The following SLC25A12 variants were observed in gnomAD, a reference collection of about 807,000 sequenced individuals.
The protein encoded by SLC25A12 is solute carrier family 25 member 12.
SLC25A12 carries 32 observed loss-of-function variants against 83.3 expected under a neutral mutation model. That is an observed-to-expected ratio of 0.38 (90% confidence interval 0.29 to 0.52). The LOEUF (loss-of-function observed/expected upper bound fraction) is 0.52. SLC25A12 is among the 20% of genes least tolerant of loss of function. SLC25A12 has a pLI of 0.84. For synonymous variants in SLC25A12, 267 were observed against 291.1 expected (o/e 0.92, Z 0.84); for missense variants, 611 against 835.6 (o/e 0.73, Z 3.31).
intron 2 of SLC25A12, among the ~76,000 whole-genome samples, chr2:171,878,434 C>CT (rs1685616804): frequency 6.6e-6 from 1 of 152,186 alleles, no homozygotes; most frequent in African/African-American, 2.4e-5. Flanking sequence ...CATAGGATCT[C>CT]TATTTCCCTC....
chr2:171,797,040 G>C (rs1683612035), intron 13 of SLC25A12, among the ~76,000 whole-genome samples: 1 of 152,108 alleles, frequency 6.6e-6, no homozygotes, highest in Admixed American at 6.6e-5. Context: ...AACAAATACA[G>C]AGAAATACCA....
At chr2:171,814,474 A>G (rs1223477392) in intron 10 of SLC25A12, among the ~76,000 whole-genome samples, 1 of 152,066 alleles carries the variant, frequency 6.6e-6, no homozygotes, top group African/African-American at 2.4e-5. Flanking sequence ...TTCATATCCC[A>G]AATCTCAATT....
chr2:171,832,641 G>C (rs1684467165), intron 8 of SLC25A12, among the ~76,000 whole-genome samples: 1 of 152,118 alleles, frequency 6.6e-6, no homozygotes, highest in Admixed American at 6.5e-5. Context: ...TTTTGGTAGG[G>C]CTAGGAATAA....
At chr2:171,868,578 C>G in intron 3 of SLC25A12, 103 bp downstream of exon 3, 1 of 1,169,046 alleles carries the variant, frequency 8.6e-7, no homozygotes, top group Non-Finnish European at 1.3e-6. Flanking sequence ...CCTTCCAAAG[C>G]GCTGGGATTA....
intron 2 of SLC25A12, among the ~76,000 whole-genome samples, chr2:171,869,950 T>C (rs1486537339): frequency 6.6e-6 from 1 of 152,274 alleles, no homozygotes; most frequent in Non-Finnish European, 1.5e-5. Flanking sequence ...AAGGGCATCA[T>C]GCTCCTCAAC....
intron 4 of SLC25A12, among the ~76,000 whole-genome samples, chr2:171,851,422 C>T (rs1370387752): frequency 6.6e-6 from 1 of 151,174 alleles, no homozygotes; most frequent in Non-Finnish European, 1.5e-5. Context: ...AACTCCTGAC[C>T]TTGTGATCCT....
intron 11 of SLC25A12, among the ~76,000 whole-genome samples, chr2:171,811,500 G>C (rs1683945284): frequency 6.6e-6 from 1 of 152,142 alleles, no homozygotes; most frequent in Non-Finnish European, 1.5e-5. Flanking sequence ...GTACTGATTT[G>C]TGTCATTTTA....
chr2:171,855,979 G>T, intron 3 of SLC25A12, 30 bp from the exon 4 acceptor site: 2 of 1,176,438 alleles, frequency 1.7e-6, no homozygotes, highest in Non-Finnish European at 2.6e-6. Context: ...GTCATTGGCT[G>T]GTGAAGAAAG....
intron 1 of SLC25A12, 74 bp downstream of exon 1, chr2:171,894,129 C>T: frequency 6.5e-7 from 1 of 1,545,154 alleles, no homozygotes; most frequent in Non-Finnish European, 8.8e-7. Flanking sequence ...AAATGGGAAG[C>T]AGTGGGGGGC....
intron 4 of SLC25A12, among the ~76,000 whole-genome samples, chr2:171,849,266 T>C (rs1316175835): frequency 3.3e-5 from 5 of 151,326 alleles, no homozygotes; most frequent in Admixed American, 6.6e-5. Flanking sequence ...CAGTCTATCA[T>C]CAAACAGCAT....
chr2:171,885,914 T>C (rs1014684863), intron 2 of SLC25A12, among the ~76,000 whole-genome samples: 2 of 152,214 alleles, frequency 1.3e-5, no homozygotes, highest in Admixed American at 1.3e-4. Context: ...GCTTAATACA[T>C]ATACATTGAG....
chr2:171,876,347 C>T (rs536460032), intron 2 of SLC25A12, among the ~76,000 whole-genome samples: 65 of 152,148 alleles, frequency 4.3e-4, no homozygotes, highest in Non-Finnish European at 7.5e-4. Flanking sequence ...AAATTAGAGA[C>T]AATTACTTGG....
chr2:171,832,203 T>C (rs114939435), intron 8 of SLC25A12, among the ~76,000 whole-genome samples: 167 of 152,248 alleles, frequency 1.1e-3, no homozygotes, highest in African/African-American at 3.9e-3. Context: ...GGAAAAACCA[T>C]ACTAATCCTG....
chr2:171,852,801 C>G (rs1430915969), intron 4 of SLC25A12: 1 of 320,600 alleles, frequency 3.1e-6, no homozygotes, highest in African/African-American at 2.1e-5. Context: ...TTTGCTACAA[C>G]AGTTTCAATA....
At chr2:171,885,040 T>A (rs1026696149) in intron 2 of SLC25A12, among the ~76,000 whole-genome samples, 2 of 151,878 alleles carry the variant, frequency 1.3e-5, no homozygotes, top group African/African-American at 4.8e-5. Flanking sequence ...GGTGAAACCC[T>A]GTCTCTACTA....
intron 13 of SLC25A12, among the ~76,000 whole-genome samples, chr2:171,806,105 C>G (rs1442649423): frequency 6.6e-6 from 1 of 152,120 alleles, no homozygotes; most frequent in African/African-American, 2.4e-5. Flanking sequence ...AGACTGAGAT[C>G]CTGTCTCAAA....
intron 2 of SLC25A12, among the ~76,000 whole-genome samples, chr2:171,869,403 T>C (rs559025124): frequency 6.6e-6 from 1 of 152,132 alleles, no homozygotes; most frequent in African/African-American, 2.4e-5. Context: ...CTAAGAAAAG[T>C]GAAAGGGCAG....
chr2:171,818,673 G>A (rs1284869662), intron 9 of SLC25A12, among the ~76,000 whole-genome samples: 3 of 151,880 alleles, frequency 2.0e-5, no homozygotes, highest in East Asian at 1.9e-4. Flanking sequence ...TTGAGAGGCT[G>A]AAGTGGAAGG....
intron 5 of SLC25A12, among the ~76,000 whole-genome samples, chr2:171,842,720 ACTG>A (rs1684704942): frequency 6.6e-6 from 1 of 152,330 alleles, no homozygotes; most frequent in South Asian, 2.1e-4. Flanking sequence ...ATAGAAAGTG[ACTG>A]CTTAATGGAA....
Sources: allele counts gnomAD v4.1 joint callset (sites outside exome capture counted in the v4.1 genomes callset), GRCh38; gene constraint gnomAD v4.1.1; transcripts MANE v1.5; gene names NCBI Gene and HGNC (gene_info 2026-07-23, HGNC 2026-07-21).